Variants in OXNAD1 observed in about 807,000 individuals in gnomAD.
The protein encoded by OXNAD1 is oxidoreductase NAD-binding domain-containing protein 1.
OXNAD1 carries 34 observed loss-of-function variants against 32.9 expected under a neutral mutation model. The observed-to-expected ratio is 1.03, with a 90% CI of 0.79 to 1.38. OXNAD1 has a LOEUF of 1.38. Ranked by LOEUF, OXNAD1 falls within the 40% of genes most tolerant of loss-of-function variation. The pLI is 0.00. For missense variants in OXNAD1, 407 were observed against 379.4 expected, an observed-to-expected ratio of 1.07 and a Z score of -0.60; for synonymous variants, 134 against 135.2, an observed-to-expected ratio of 0.99 and a Z score of 0.06.
chr3:16,326,730 A>T (rs374908747), intron 9 of OXNAD1: 14 of 1,422,372 alleles, frequency 9.8e-6, no homozygotes, highest in Non-Finnish European at 1.4e-5. Context: ...ACTAGCACAG[A>T]GTAAGTGTTC....
At chr3:16,324,747 C>A (rs1399948721) in intron 9 of OXNAD1, among the ~76,000 whole-genome samples, 1 of 141,850 alleles carries the variant, frequency 7.0e-6, no homozygotes, top group Non-Finnish European at 1.5e-5. Context: ...AAGTTGTTTC[C>A]ATTTCTTAGC....
rs2070812173 is a variant in OXNAD1 at position 16,336,014 on chromosome 3, T to G, written c.*31-1098T>G. 6.6e-6 allele frequency among the ~76,000 whole-genome samples: 1 copy of G among 152,146 alleles called. No individual in the cohort carries two copies. The highest frequency in any genetic ancestry group is 6.5e-5 in the Admixed American group (1 of 15,282). On this transcript the variant is annotated intron_variant, in intron 9 of 9. Transcript: ENST00000435829. The surrounding 1 kb of genome is among the most constrained non-coding windows in gnomAD (Gnocchi z 6.0). Reference sequence around the variant, plus strand: ...GGCCCTGCTCAGCACACGCTGGCTATAGCGGCACTCGAGGAGGGTAGAGGT... The same window carrying G: ...GGCCCTGCTCAGCACACGCTGGCTAGAGCGGCACTCGAGGAGGGTAGAGGT...
rs866140868 is a variant in OXNAD1 at position 16,335,620 on chromosome 3, T to G, written c.*31-1492T>G. ...GTGGGGAGCAACACACACTGGGACC[T>G]GTTGGAGGTGTGGGAGGAGGGAGAG... On this transcript the variant is annotated intron_variant, in intron 9 of 9. Transcript: ENST00000435829. The surrounding 1 kb of genome is among the most constrained non-coding windows in gnomAD (Gnocchi z 4.7). Among the ~76,000 whole-genome samples, 1 of 151,978 alleles carries G rather than the reference T, an allele frequency of 6.6e-6. No individual in the cohort carries two copies. Among genetic ancestry groups the G allele is most frequent in the Non-Finnish European group, 1.5e-5 (1 of 67,996 alleles).
chr3:16,271,270 C>T lies in OXNAD1; in HGVS notation c.119+199C>T, dbSNP rs2064918280. 1.6e-5 allele frequency: 10 copies of T among 618,124 alleles called. No homozygotes were observed. The South Asian group carries it at 1.9e-4, about 12-fold the overall frequency. 38.3% of individuals were successfully genotyped at this position (618,124 alleles called of 1,614,324 possible). On this transcript the variant is annotated intron_variant, in intron 3 of 8. Transcript: ENST00000285083. This position sits in a 1 kb window ranked among gnomAD's most constrained non-coding sequence, Gnocchi z 4.6. ...CTGGGCTGGAGTGCAGTGGCACGAT[C>T]TTAGCTCACTGCAACCTCCACCTCC...
intron 4 of OXNAD1, among the ~76,000 whole-genome samples, chr3:16,285,603 T>G (rs1363771585): frequency 6.6e-6 from 1 of 152,212 alleles, no homozygotes; most frequent in Non-Finnish European, 1.5e-5. Flanking sequence ...CCTGCATAGC[T>G]CCCGAGTCAA....
intron 1 of OXNAD1, 26 bp from the exon 2 acceptor site, chr3:16,269,100 G>T: frequency 6.9e-7 from 1 of 1,445,058 alleles, no homozygotes; most frequent in Non-Finnish European, 9.0e-7. Context: ...CCAAAACATT[G>T]TTATATGTTG....
chr3:16,294,473 TG>T (rs1404142311), intron 5 of OXNAD1, among the ~76,000 whole-genome samples: 2 of 152,232 alleles, frequency 1.3e-5, no homozygotes, highest in Admixed American at 6.5e-5. Context: ...CCTCCCAAAG[TG>T]CTGGGATTAC....
intron 9 of OXNAD1, among the ~76,000 whole-genome samples, chr3:16,328,350 C>T (rs1409807747): frequency 2.0e-5 from 3 of 152,206 alleles, no homozygotes; most frequent in African/African-American, 7.2e-5. Context: ...AAGGTGGCCA[C>T]GTGTGGTGAG....
chr3:16,306,662 C>T (rs926347770), downstream of OXNAD1, among the ~76,000 whole-genome samples: 1 of 152,218 alleles, frequency 6.6e-6, no homozygotes, highest in Non-Finnish European at 1.5e-5. Flanking sequence ...TAGGCTTTCC[C>T]ACATTTTGAA....
In OXNAD1 at chr3:16,317,272, G is replaced by T; in HGVS notation, c.*30+13680G>T. On this transcript the variant is annotated intron_variant, in intron 9 of 9. Coordinates refer to the OXNAD1 transcript ENST00000435829. The surrounding 1 kb of genome is among the most constrained non-coding windows in gnomAD (Gnocchi z 4.3). ...GGATGGGGATAAATAACAAGCCTCC[G>T]GGAACCCAGAGCTTCACCCAAAGCC... 2 of 1,599,358 alleles carry T rather than the reference G, an allele frequency of 1.3e-6. No homozygotes were observed. Among genetic ancestry groups the T allele is most frequent in the African/African-American group, 1.3e-5 (1 of 74,256 alleles).
Position 16,322,791 on chromosome 3 carries a change from A to AG in OXNAD1, c.*31-14316dup, listed in dbSNP as rs907644535. Among the ~76,000 whole-genome samples, 18 of 152,042 alleles carry AG rather than the reference A, an allele frequency of 1.2e-4. No individual in the cohort carries two copies. Among genetic ancestry groups the AG allele is most frequent in the African/African-American group, 4.3e-4 (18 of 41,400 alleles). On this transcript the variant is annotated intron_variant, in intron 9 of 9. Coordinates refer to the OXNAD1 transcript ENST00000435829. This position sits in a 1 kb window ranked among gnomAD's most constrained non-coding sequence, Gnocchi z 6.2. ...TTCTAGGGTAGTTCAGAGTCCGGAGAGGGGGAAAAGGGCCCTGGGGATCTC... is the reference window on the plus strand; with the variant it reads ...TTCTAGGGTAGTTCAGAGTCCGGAGAGGGGGGAAAAGGGCCCTGGGGATCTC...
chr3:16,317,028 G>C lies in OXNAD1; in HGVS notation c.*30+13436G>C. ...GACAGCTGTTCTCCCTTGTCCTCTT[G>C]GACAGGGCCCTTCATCTCCTCGGAG... is the stretch of plus-strand genomic sequence containing the variant. On this transcript the variant is annotated intron_variant, in intron 9 of 9. Transcript: ENST00000435829. This position sits in a 1 kb window ranked among gnomAD's most constrained non-coding sequence, Gnocchi z 4.3. The C allele has an allele frequency of 1.9e-6, 3 of 1,613,622 alleles. No individual in the cohort carries two copies. Among genetic ancestry groups the C allele is most frequent in the Non-Finnish European group, 2.5e-6 (3 of 1,179,908 alleles).
chr3:16,335,776 T>TA lies in OXNAD1; in HGVS notation c.*31-1317dup, dbSNP rs540104859. On this transcript the variant is annotated intron_variant, in intron 9 of 9. Transcript: ENST00000435829. This position sits in a 1 kb window ranked among gnomAD's most constrained non-coding sequence, Gnocchi z 4.7. ...ATCCTGCACTTGCACCCTGGAACTTTAAAAAAAAAAAAAAAAAAAGGAGTT... is the reference window on the plus strand; with the variant it reads ...ATCCTGCACTTGCACCCTGGAACTTTAAAAAAAAAAAAAAAAAAAAGGAGTT... Among the ~76,000 whole-genome samples the TA allele has an allele frequency of 0.031, 4,241 of 136,614 alleles. 78 individuals are homozygous for TA. The highest frequency in any genetic ancestry group is 0.041 in the South Asian group (172 of 4,146). The allele number at this position is 136,614 out of a possible 152,430, so 89.6% of individuals were successfully genotyped here.
chr3:16,330,240 G>A (rs2070174554), intron 9 of OXNAD1, among the ~76,000 whole-genome samples: 1 of 152,200 alleles, frequency 6.6e-6, no homozygotes, highest in South Asian at 2.1e-4. Context: ...GGGGTGAGAT[G>A]TTGCACTCTG....
rs981854384 is a variant in OXNAD1 at position 16,290,494 on chromosome 3, G to GC, written c.290+4047dup. Among the ~76,000 whole-genome samples, 3 of 152,164 alleles carry GC rather than the reference G, an allele frequency of 2.0e-5. No individual in the cohort carries two copies. The highest frequency in any genetic ancestry group is 7.2e-5 in the African/African-American group (3 of 41,436). The stretch of plus-strand genomic sequence containing the variant: ...GAATGGCCTTCATCAGCATTGAGCA[G>GC]CAGAGGGCACTGTAGTTCAGGAGAT... On this transcript the variant is annotated intron_variant, in intron 5 of 8. Transcript: ENST00000285083. The surrounding 1 kb of genome is among the most constrained non-coding windows in gnomAD (Gnocchi z 4.2).
At chr3:16,325,132 C>G (rs748451466) in intron 9 of OXNAD1, among the ~76,000 whole-genome samples, 1 of 152,238 alleles carries the variant, frequency 6.6e-6, no homozygotes, top group Non-Finnish European at 1.5e-5. Context: ...AATATTTACT[C>G]TGCACCTATT....
chr3:16,270,251 A>G (rs1055244302), intron 2 of OXNAD1, among the ~76,000 whole-genome samples: 1 of 152,182 alleles, frequency 6.6e-6, no homozygotes, highest in African/African-American at 2.4e-5. Flanking sequence ...CTGTTTTTAT[A>G]CTTTATATGA....
intron 5 of OXNAD1, 135 bp from the exon 6 acceptor site, chr3:16,294,721 G>A: frequency 1.2e-6 from 1 of 828,056 alleles, no homozygotes; most frequent in Non-Finnish European, 1.8e-6. Context: ...TATAAGCTTT[G>A]TGATGATATC....
At chr3:16,332,145 T>G (rs1348428706) in intron 9 of OXNAD1, among the ~76,000 whole-genome samples, 1 of 152,222 alleles carries the variant, frequency 6.6e-6, no homozygotes, top group African/African-American at 2.4e-5. Flanking sequence ...AATCTGAAGA[T>G]TCTTGTCCTT....
Sources: gnomAD v4.1 joint callset for allele counts (sites outside exome capture counted in the v4.1 genomes callset) on GRCh38, gnomAD v4.1.1 for gene constraint, Gnocchi (gnomAD v3.1) non-coding constraint, MANE v1.5 for transcripts, NCBI Gene and HGNC (gene_info 2026-07-23, HGNC 2026-07-21) for gene names.